Variants in CCSER1 observed in about 807,000 individuals in gnomAD.
CCSER1 encodes the protein serine-rich coiled-coil domain-containing protein 1.
CCSER1 carries 41 observed loss-of-function variants against 82.0 expected under a neutral mutation model. The ratio of observed to expected loss-of-function variants is 0.50; its 90% confidence interval spans 0.39 to 0.65. CCSER1 has a LOEUF of 0.65. Ranked by LOEUF, CCSER1 falls within the 30% of genes least tolerant of loss-of-function variation. CCSER1 has a pLI of 0.00. For missense variants in CCSER1, 1,119 were observed against 1,064.2 expected (o/e 1.05, Z -0.72); for synonymous variants, 414 against 383.9 (o/e 1.08, Z -0.92).
intron 1 of CCSER1, among the ~76,000 whole-genome samples, chr4:90,297,225 A>T (rs1357920386): frequency 6.7e-6 from 1 of 149,680 alleles, no homozygotes; most frequent in African/African-American, 2.5e-5. Context: ...TGTAAGTTGG[A>T]TTCCTAGGTA....
At chr4:91,046,844 A>T (rs1294407629) in intron 9 of CCSER1, among the ~76,000 whole-genome samples, 1 of 151,952 alleles carries the variant, frequency 6.6e-6, no homozygotes, top group Non-Finnish European at 1.5e-5. Flanking sequence ...CAGCCTCCCG[A>T]GTAGCTGGGA....
At chr4:90,229,611 C>A (rs956222663) in intron 1 of CCSER1, among the ~76,000 whole-genome samples, 17 of 151,772 alleles carry the variant, frequency 1.1e-4, no homozygotes, top group Non-Finnish European at 2.9e-5. Flanking sequence ...ATCAAATTCA[C>A]ACATAACAAT....
chr4:90,812,081 G>T (rs1479207014), intron 7 of CCSER1, among the ~76,000 whole-genome samples: 3 of 151,866 alleles, frequency 2.0e-5, no homozygotes, highest in Non-Finnish European at 4.4e-5. Context: ...AGCAAGGAGA[G>T]CCAGTCCAAA....
chr4:90,536,208 A>G (rs1242017934), intron 5 of CCSER1, among the ~76,000 whole-genome samples: 1 of 151,420 alleles, frequency 6.6e-6, no homozygotes, highest in African/African-American at 2.4e-5. Context: ...AATTTTTTGT[A>G]TTTTTAGTAG....
chr4:91,352,093 A>G (rs1445521494), intron 10 of CCSER1, among the ~76,000 whole-genome samples: 1 of 152,220 alleles, frequency 6.6e-6, no homozygotes, highest in Non-Finnish European at 1.5e-5. Flanking sequence ...AAAATAGAAA[A>G]CTAAAAATCA....
chr4:91,236,037 A>AG, intron 10 of CCSER1, among the ~76,000 whole-genome samples: 1 of 17,432 alleles, frequency 5.7e-5, no homozygotes, highest in Non-Finnish European at 9.2e-5. Flanking sequence ...ATTTTTTATT[A>AG]AAATCATATT....
chr4:90,154,276 C>A (rs2153354989), intron 1 of CCSER1, among the ~76,000 whole-genome samples: 1 of 152,348 alleles, frequency 6.6e-6, no homozygotes, highest in East Asian at 1.9e-4. Flanking sequence ...GTTTTGGTTA[C>A]TGTAGCCTTG....
chr4:90,783,554 G>A (rs967618584), intron 7 of CCSER1, among the ~76,000 whole-genome samples: 5 of 152,102 alleles, frequency 3.3e-5, no homozygotes, highest in Non-Finnish European at 7.4e-5. Context: ...AGGTTCTTAC[G>A]GTAAGGAACT....
At chr4:91,236,166 A>G (rs140365285) in intron 10 of CCSER1, among the ~76,000 whole-genome samples, 2 of 152,274 alleles carry the variant, frequency 1.3e-5, no homozygotes, top group African/African-American at 4.8e-5. Flanking sequence ...GCTAATTGTC[A>G]TCTATCCCAG....
intron 7 of CCSER1, among the ~76,000 whole-genome samples, chr4:90,763,283 G>A (rs1447246714): frequency 1.3e-5 from 2 of 151,952 alleles, no homozygotes; most frequent in African/African-American, 4.8e-5. Flanking sequence ...GTGGAGAGAG[G>A]TCAAGCAGTA....
chr4:91,462,634 C>T (rs1364789871), intron 10 of CCSER1, among the ~76,000 whole-genome samples: 2 of 152,160 alleles, frequency 1.3e-5, no homozygotes, highest in Non-Finnish European at 2.9e-5. Flanking sequence ...CCAGACGGCA[C>T]TTGGAAAATT....
intron 10 of CCSER1, among the ~76,000 whole-genome samples, chr4:91,447,629 T>C (rs1461102598): frequency 3.9e-5 from 6 of 152,298 alleles, no homozygotes; most frequent in African/African-American, 1.4e-4. Context: ...TAATAAGATA[T>C]TTTACTTAAT....
At chr4:90,422,319 CA>C (rs916820958) in intron 4 of CCSER1, among the ~76,000 whole-genome samples, 2 of 152,118 alleles carry the variant, frequency 1.3e-5, no homozygotes, top group African/African-American at 4.8e-5. Flanking sequence ...CTGAAGAGCC[CA>C]TAGAACCAGA....
intron 10 of CCSER1, among the ~76,000 whole-genome samples, chr4:91,435,620 G>A (rs974861082): frequency 6.6e-6 from 1 of 152,018 alleles, no homozygotes; most frequent in Non-Finnish European, 1.5e-5. Context: ...TTAAATTACA[G>A]GAATTTATAT....
intron 10 of CCSER1, among the ~76,000 whole-genome samples, chr4:91,463,575 G>A (rs572988194): frequency 2.2e-4 from 34 of 152,266 alleles, no homozygotes; most frequent in African/African-American, 7.7e-4. Context: ...GAGGAAGTTC[G>A]AACCCATCGC....
chr4:90,728,396 A>AAGAAG (rs2149392210), intron 7 of CCSER1, among the ~76,000 whole-genome samples: 1 of 136,552 alleles, frequency 7.3e-6, no homozygotes, highest in African/African-American at 3.0e-5. Flanking sequence ...AGAACAAGAA[A>AAGAAG]AAACTCTTTG....
rs909008886 is a variant in CCSER1, at chr4:91,457,763, T to C, written c.2218-140809T>C. Among the ~76,000 whole-genome samples the C allele has an allele frequency of 3.3e-5, 5 of 152,288 alleles. 1 individual carries two copies. The Middle Eastern group carries it at 0.01, about 311-fold the overall frequency. On this transcript the variant is annotated intron_variant, in intron 10 of 10. Coordinates refer to ENST00000509176, the MANE Select transcript of CCSER1 (RefSeq NM_001145065.2). ...TTTTAAAATAATCATTGATTACTTTTTTACCTCTCTTCCAATCAAAAAGTG... is the reference window on the plus strand; with the variant it reads ...TTTTAAAATAATCATTGATTACTTTCTTACCTCTCTTCCAATCAAAAAGTG...
At chr4:90,317,600 C>T (rs138540634) in intron 3 of CCSER1, among the ~76,000 whole-genome samples, 2,360 of 152,162 alleles carry the variant, frequency 0.016, 36 homozygotes, top group Middle Eastern at 0.031. Context: ...CCAGCTTGAA[C>T]AACAAAGTGA....
intron 7 of CCSER1, among the ~76,000 whole-genome samples, chr4:90,810,716 A>G (rs1397921907): frequency 6.6e-6 from 1 of 152,066 alleles, no homozygotes; most frequent in East Asian, 1.9e-4. Context: ...GAACAAGCAA[A>G]CAACACTTTA....
Sources: gnomAD v4.1 joint callset for allele counts (sites outside exome capture counted in the v4.1 genomes callset) on GRCh38, gnomAD v4.1.1 for gene constraint, MANE v1.5 for transcripts, NCBI Gene and HGNC (gene_info 2026-07-23, HGNC 2026-07-21) for gene names.